The following PRDM2 variants were observed in gnomAD, a reference collection of about 807,000 sequenced individuals.
The protein encoded by PRDM2 is PR domain zinc finger protein 2.
PRDM2 carries 30 observed loss-of-function variants against 130.0 expected under a neutral mutation model. The observed-to-expected ratio is 0.23, with a 90% CI of 0.17 to 0.31. The LOEUF (loss-of-function observed/expected upper bound fraction) is 0.31, where lower values mean the gene tolerates loss of function less well. PRDM2 is among the 10% of genes least tolerant of loss of function. PRDM2 has a pLI of 1.00. For missense variants in PRDM2, 2,011 were observed against 2,108.4 expected, an observed-to-expected ratio of 0.95 and a Z score of 0.90; for synonymous variants, 871 against 782.4, an observed-to-expected ratio of 1.11 and a Z score of -1.89.
chr1:13,731,938 CTGAT>C (rs1643124757), intron 3 of PRDM2, among the ~76,000 whole-genome samples: 2 of 152,232 alleles, frequency 1.3e-5, no homozygotes, highest in South Asian at 4.1e-4. Context: ...TATAGCTCAA[CTGAT>C]TGTTGACTTA....
rs910390354 is a variant in PRDM2, at chr1:13,773,082, G to GA, written c.522dup (p.Ser175IlefsTer5). 6 of 1,510,532 alleles carry GA rather than the reference G, an allele frequency of 4.0e-6. No individual in the cohort carries two copies. Among genetic ancestry groups the GA allele is most frequent in the African/African-American group, 2.8e-5 (2 of 70,404 alleles). 93.6% of individuals were successfully genotyped at this position (1,510,532 alleles called of 1,614,324 possible). On this transcript the variant is annotated frameshift_variant, in exon 7 of 10. Transcript: ENST00000311066. LOFTEE classifies it high-confidence loss of function. ...TTAAAAAAAATTGTGTTTCAGGGAA[G>GA]AAAAAATCCCAGGAAAATAAAAACA...
chr1:13,791,660 G>T (rs1296241981), intron 8 of PRDM2, among the ~76,000 whole-genome samples: 1 of 152,222 alleles, frequency 6.6e-6, no homozygotes, highest in Non-Finnish European at 1.5e-5. Context: ...CCTGGAGGGG[G>T]TGTGTAGGTT....
Position 13,803,937 on chromosome 1 carries a change from A to G in PRDM2, c.5037-12490A>G, listed in dbSNP as rs2100738357. ...GTGGAGGCCACATTGGGGGCTCAGCAGTGGGCCCATGGCCTCCCTCAGGGC... is the reference window on the plus strand; with the variant it reads ...GTGGAGGCCACATTGGGGGCTCAGCGGTGGGCCCATGGCCTCCCTCAGGGC... On this transcript the variant is annotated intron_variant, in intron 8 of 9. Transcript: ENST00000311066. The surrounding 1 kb of genome is among the most constrained non-coding windows in gnomAD (Gnocchi z 6.2). Among the ~76,000 whole-genome samples, 1 of 152,314 alleles carries G rather than the reference A, an allele frequency of 6.6e-6. No homozygotes were observed. Among genetic ancestry groups the G allele is most frequent in the Non-Finnish European group, 1.5e-5 (1 of 68,026 alleles).
chr1:13,751,818 AGC>A (rs1643851704), intron 6 of PRDM2, among the ~76,000 whole-genome samples: 1 of 152,188 alleles, frequency 6.6e-6, no homozygotes. Flanking sequence ...CTATACTTAC[AGC>A]TGTGCATTGC....
chr1:13,783,027 T>C, intron 8 of PRDM2, 196 bp downstream of exon 8: 1 of 1,311,520 alleles, frequency 7.6e-7, no homozygotes, highest in African/African-American at 1.5e-5. Context: ...AATTTCAGAC[T>C]TAGGACTCAC....
Position 13,779,743 on chromosome 1 carries a change from A to T in PRDM2, c.1948A>T (p.Ile650Phe), listed in dbSNP as rs376453306. Residue 650 changes from isoleucine (I) to phenylalanine (F), a missense_variant, in exon 8 of 10, where the codon ATT (isoleucine) becomes TTT (phenylalanine). Transcript: ENST00000311066. The surrounding 1 kb of genome is among the most constrained non-coding windows in gnomAD (Gnocchi z 4.9). ...TGCGAGCCCACCTGCACTGCCCAAA[A>T]TTAAGGCCGAAACAGACTCTGACCC... Reference protein sequence around the residue: ...RTASPPALPKIKAETDSDPMV... With the variant: ...RTASPPALPKFKAETDSDPMV... 2 of 1,614,054 alleles carry T rather than the reference A, an allele frequency of 1.2e-6. No individual in the cohort carries two copies. Among genetic ancestry groups the T allele is most frequent in the Non-Finnish European group, 1.7e-6 (2 of 1,180,034 alleles).
At chr1:13,772,604 CTT>C (rs1644383418) in intron 6 of PRDM2, among the ~76,000 whole-genome samples, 2 of 152,230 alleles carry the variant, frequency 1.3e-5, no homozygotes, top group Non-Finnish European at 2.9e-5. Flanking sequence ...CTCTGCTTCT[CTT>C]GTTTTGCTTC....
intron 2 of PRDM2, among the ~76,000 whole-genome samples, chr1:13,718,644 C>T (rs1428953118): frequency 6.6e-6 from 1 of 152,116 alleles, no homozygotes; most frequent in East Asian, 1.9e-4. Context: ...TATCTCTTAA[C>T]CTCTCAATTA....
intron 8 of PRDM2, among the ~76,000 whole-genome samples, chr1:13,812,973 ACAGT>A (rs1180913540): frequency 6.6e-6 from 1 of 152,126 alleles, no homozygotes; most frequent in Non-Finnish European, 1.5e-5. Context: ...CCTGGGCCAT[ACAGT>A]CAATGAGAAT....
At chr1:13,717,001 C>G (rs1199271896) in intron 2 of PRDM2, among the ~76,000 whole-genome samples, 1 of 151,818 alleles carries the variant, frequency 6.6e-6, no homozygotes, top group African/African-American at 2.4e-5. Flanking sequence ...ATTAGCTGGG[C>G]CAAGTTTAAT....
intron 8 of PRDM2, among the ~76,000 whole-genome samples, chr1:13,813,135 G>A (rs960800431): frequency 1.2e-4 from 18 of 152,170 alleles, no homozygotes; most frequent in African/African-American, 3.9e-4. Context: ...TGCCCTGCAC[G>A]GAGACCTTTC....
chr1:13,748,094 C>T (rs902780613), intron 5 of PRDM2, among the ~76,000 whole-genome samples: 1 of 152,282 alleles, frequency 6.6e-6, no homozygotes. Flanking sequence ...TGATTAGATT[C>T]GACGTATGCA....
At chr1:13,764,957 A>G (rs1400216010) in intron 6 of PRDM2, among the ~76,000 whole-genome samples, 1 of 152,260 alleles carries the variant, frequency 6.6e-6, no homozygotes, top group Non-Finnish European at 1.5e-5. Flanking sequence ...GATAAGTTTC[A>G]AAGTTATTTT....
At chr1:13,794,398 C>G (rs1449188420) in intron 8 of PRDM2, among the ~76,000 whole-genome samples, 3 of 152,198 alleles carry the variant, frequency 2.0e-5, no homozygotes, top group Non-Finnish European at 4.4e-5. Context: ...GAGTTCTACC[C>G]AGGCAGGAAC....
rs1308273392 is a variant in PRDM2 at position 13,778,713 on chromosome 1, A to T, written c.918A>T (p.Lys306Asn). 1.2e-6 allele frequency: 2 copies of T among 1,614,232 alleles called. No homozygotes were observed. The highest frequency in any genetic ancestry group is 3.3e-5 in the Admixed American group (2 of 60,028). Residue 306 changes from lysine to asparagine, a missense_variant, in exon 8 of 10, where the codon AAA (lysine) becomes AAT (asparagine). By Grantham distance (94) the Lys-to-Asn change is moderately conservative. Coordinates refer to ENST00000311066, the MANE Select transcript of PRDM2 (RefSeq NM_001393986.1). ...GCATGCCAAATGAAAATTCTGTGAA[A>T]GAGCCAGAAATACGGTGTGATGAGA... ...EASMPNENSV[K>N]EPEIRCDEKP...
chr1:13,730,816 GA>G (rs1450519868), intron 2 of PRDM2, among the ~76,000 whole-genome samples, 183 bp from the exon 3 acceptor site: 2 of 151,856 alleles, frequency 1.3e-5, no homozygotes, highest in African/African-American at 4.8e-5. Flanking sequence ...GTTTCCTTTG[GA>G]CAGTTACAAA....
chr1:13,785,964 G>A (rs977033098), intron 8 of PRDM2, among the ~76,000 whole-genome samples: 4 of 150,476 alleles, frequency 2.7e-5, no homozygotes, highest in East Asian at 2.0e-4. Context: ...TCAGCCTCCC[G>A]AGTAGCTGGG....
rs2100670755 is a variant in PRDM2 at position 13,781,182 on chromosome 1, A to G, written c.3387A>G (p.Thr1129=). The G allele has an allele frequency of 1.2e-6, 2 of 1,614,234 alleles. No individual in the cohort carries two copies. Among genetic ancestry groups the G allele is most frequent in the South Asian group, 2.2e-5 (2 of 91,086 alleles). ...AACAGGATGTTGTTGTTCAGGAAAC[A>G]TTCAACAAAAACTTTGTTTGCAACG... ...AAEQDVVVQE[T]FNKNFVCNVC... The change falls in exon 8 of 10, where the codon ACA becomes ACG. Residue 1129 remains threonine (T), a synonymous_variant. Coordinates refer to ENST00000311066, the MANE Select transcript of PRDM2 (RefSeq NM_001393986.1). The surrounding 1 kb of genome is among the most constrained non-coding windows in gnomAD (Gnocchi z 6.1).
chr1:13,748,767 G>A (rs1643695300), intron 5 of PRDM2, among the ~76,000 whole-genome samples: 1 of 152,210 alleles, frequency 6.6e-6, no homozygotes, highest in South Asian at 2.1e-4. Flanking sequence ...GTGGAAGTTT[G>A]ATGTCCGGTC....
Sources: gnomAD v4.1 joint callset for allele counts (sites outside exome capture counted in the v4.1 genomes callset) on GRCh38, gnomAD v4.1.1 for gene constraint, Gnocchi (gnomAD v3.1) non-coding constraint, MANE v1.5 for transcripts, NCBI Gene and HGNC (gene_info 2026-07-23, HGNC 2026-07-21) for gene names.